The following FGD4 variants were observed in gnomAD, a reference collection of about 807,000 sequenced individuals.
FGD4 encodes FYVE, RhoGEF and PH domain containing 4.
Under a neutral mutation model 102.0 loss-of-function variants are expected in FGD4, and 42 were observed. That is an observed-to-expected ratio of 0.41 (90% CI 0.32 to 0.53). FGD4 has a LOEUF of 0.53. FGD4 is among the 20% of genes least tolerant of loss of function. FGD4 has a pLI of 0.21. For missense variants in FGD4, 902 were observed against 1,078.2 expected, an observed-to-expected ratio of 0.84 and a Z score of 2.29; for synonymous variants, 380 against 375.7, an observed-to-expected ratio of 1.01 and a Z score of -0.13.
intron 1 of FGD4, among the ~76,000 whole-genome samples, chr12:32,561,333 C>T (rs11052071): frequency 0.12 from 17,931 of 151,924 alleles, 1,167 homozygotes; most frequent in Middle Eastern, 0.19. Context: ...GTGATCCACC[C>T]GCCTTGGCCT....
intron 1 of FGD4, among the ~76,000 whole-genome samples, chr12:32,561,979 A>C (rs183087171): frequency 4.1e-4 from 63 of 152,250 alleles, no homozygotes; most frequent in Non-Finnish European, 8.1e-4. Context: ...GAGTCTGAGT[A>C]AGCTAGTGGG....
At chr12:32,553,150 G>C (rs1461033718) in intron 1 of FGD4, among the ~76,000 whole-genome samples, 2 of 151,892 alleles carry the variant, frequency 1.3e-5, no homozygotes, top group Non-Finnish European at 2.9e-5. Flanking sequence ...ACAACAAATG[G>C]CCATCCCGAG....
chr12:32,536,624 C>A (rs1247156451), intron 1 of FGD4, among the ~76,000 whole-genome samples: 10 of 152,168 alleles, frequency 6.6e-5, no homozygotes, highest in South Asian at 6.2e-4. Flanking sequence ...TAGAACAGAT[C>A]CTTCCATTTT....
chr12:32,532,615 A>G (rs937784833), intron 1 of FGD4, among the ~76,000 whole-genome samples: 1 of 151,894 alleles, frequency 6.6e-6, no homozygotes, highest in African/African-American at 2.4e-5. Flanking sequence ...ACCTGAGATT[A>G]CAATTTAAAC....
intron 1 of FGD4, among the ~76,000 whole-genome samples, chr12:32,430,127 G>C (rs1177615233): frequency 6.6e-6 from 1 of 152,160 alleles, no homozygotes; most frequent in African/African-American, 2.4e-5. Flanking sequence ...GGCCAACATG[G>C]TGAAATCCCG....
intron 15 of FGD4, among the ~76,000 whole-genome samples, chr12:32,634,938 A>G (rs1289154164): frequency 1.3e-5 from 2 of 152,176 alleles, no homozygotes; most frequent in Non-Finnish European, 2.9e-5. Flanking sequence ...CAGTGAGCCA[A>G]GATTGCGCCA....
chr12:32,539,483 C>A (rs1942615188), intron 1 of FGD4, among the ~76,000 whole-genome samples: 1 of 151,732 alleles, frequency 6.6e-6, no homozygotes, highest in Non-Finnish European at 1.5e-5. Context: ...GCAGGACAAT[C>A]GCTTGAACCT....
At chr12:32,505,822 G>GT (rs1255820699) in intron 1 of FGD4, among the ~76,000 whole-genome samples, 14 of 151,892 alleles carry the variant, frequency 9.2e-5, no homozygotes, top group East Asian at 3.9e-4. Context: ...TAAATCCTGT[G>GT]TTTTTTTTAT....
At chr12:32,613,607 T>G (rs529333537) in intron 10 of FGD4, among the ~76,000 whole-genome samples, 5 of 152,042 alleles carry the variant, frequency 3.3e-5, no homozygotes, top group Admixed American at 2.6e-4. Flanking sequence ...AATTTAAAAA[T>G]TAGCTGGGCA....
At chr12:32,593,279 A>G (rs913469418) in intron 4 of FGD4, among the ~76,000 whole-genome samples, 3 of 152,210 alleles carry the variant, frequency 2.0e-5, no homozygotes, top group Non-Finnish European at 4.4e-5. Flanking sequence ...TGGTGGTATT[A>G]TTATTGCTGT....
intron 1 of FGD4, among the ~76,000 whole-genome samples, chr12:32,526,551 G>A (rs1415931150): frequency 1.3e-5 from 2 of 152,142 alleles, no homozygotes; most frequent in Admixed American, 6.5e-5. Context: ...CAGGCCACTC[G>A]GTCCTACCAA....
chr12:32,534,232 T>G, intron 1 of FGD4: 1 of 1,125,964 alleles, frequency 8.9e-7, no homozygotes, highest in Non-Finnish European at 1.1e-6. Context: ...TCTCATGCAA[T>G]GTACTGCAGC....
intron 1 of FGD4, among the ~76,000 whole-genome samples, chr12:32,480,218 G>A (rs1455247322): frequency 2.0e-5 from 3 of 150,160 alleles, no homozygotes; most frequent in African/African-American, 4.9e-5. Context: ...CTGGAGTGCC[G>A]TGGCATGATC....
intron 1 of FGD4, among the ~76,000 whole-genome samples, chr12:32,410,421 G>C (rs372412647): frequency 6.6e-6 from 1 of 152,014 alleles, no homozygotes; most frequent in Non-Finnish European, 1.5e-5. Flanking sequence ...CGAGGCTGAG[G>C]CTGCAGTGAC....
intron 1 of FGD4, among the ~76,000 whole-genome samples, chr12:32,498,642 C>T (rs1387070941): frequency 6.6e-6 from 1 of 152,090 alleles, no homozygotes; most frequent in East Asian, 1.9e-4. Flanking sequence ...GAGTCTCTGT[C>T]GCCCAGGCTG....
intron 1 of FGD4, among the ~76,000 whole-genome samples, chr12:32,410,274 G>C (rs4931625): frequency 0.47 from 70,807 of 151,272 alleles, 17,919 homozygotes; most frequent in African/African-American, 0.66. Flanking sequence ...CTTGCAGTGA[G>C]CCGAGATTGT....
chr12:32,423,026 A>T (rs1662558163), intron 1 of FGD4, among the ~76,000 whole-genome samples: 1 of 152,174 alleles, frequency 6.6e-6, no homozygotes, highest in South Asian at 2.1e-4. Flanking sequence ...TAATCTCTGT[A>T]CTTTTCTGTC....
intron 1 of FGD4, among the ~76,000 whole-genome samples, chr12:32,491,132 T>TAAAA (rs72008264): frequency 0.013 from 1,341 of 106,310 alleles, 26 homozygotes; most frequent in African/African-American, 0.024. Context: ...TTCTGCCAGT[T>TAAAA]AAAAAAAAAA....
At chr12:32,576,523 T>TA in intron 3 of FGD4, 74 bp downstream of exon 3, 1 of 1,497,384 alleles carries the variant, frequency 6.7e-7, no homozygotes, top group Non-Finnish European at 9.3e-7. Flanking sequence ...TAGTCATAGA[T>TA]ACATTCTAAA....
Sources: allele counts gnomAD v4.1 joint callset (sites outside exome capture counted in the v4.1 genomes callset), GRCh38; gene constraint gnomAD v4.1.1; transcripts MANE v1.5; gene names NCBI Gene and HGNC (gene_info 2026-07-23, HGNC 2026-07-21).